KLHDC4: variants seen among roughly 807,000 people sequenced by gnomAD.
KLHDC4 encodes the protein kelch domain containing 4.
KLHDC4 carries 90 observed loss-of-function variants against 62.4 expected under a neutral mutation model. That is an observed-to-expected ratio of 1.44 (90% CI 1.22 to 1.72). KLHDC4 has a LOEUF of 1.72. KLHDC4 is among the 40% of genes most tolerant of loss of function. The pLI, the probability that KLHDC4 is intolerant of heterozygous loss-of-function variation, is 0.00. For missense variants in KLHDC4, 1,025 were observed against 699.7 expected, an observed-to-expected ratio of 1.47 and a Z score of -5.25; for synonymous variants, 386 against 284.4, an observed-to-expected ratio of 1.36 and a Z score of -3.59.
chr16:87,705,237 C>A (rs1390843955), downstream of KLHDC4, among the ~76,000 whole-genome samples: 1 of 152,380 alleles, frequency 6.6e-6, no homozygotes, highest in East Asian at 1.9e-4. Context: ...CGGCCGCTCA[C>A]GCCCTACGGT....
In KLHDC4 at chr16:87,735,041, C is replaced by G. The variant is rs184170931; in HGVS notation, c.507-4397G>C. On this transcript the variant is annotated intron_variant, in intron 5 of 11. Coordinates refer to ENST00000270583, the MANE Select transcript of KLHDC4 (RefSeq NM_017566.4). ...ACGAATTGCCCGACGCCCCCTCCCC[C>G]CCAGACGAATTTCCTGATGGATTAC... is the stretch of plus-strand genomic sequence containing the variant. Among the ~76,000 whole-genome samples the G allele has an allele frequency of 4.0e-4, 56 of 138,554 alleles. 1 individual carries two copies. Among genetic ancestry groups the G allele is most frequent in the East Asian group, 2.0e-3 (9 of 4,526 alleles). 90.9% of individuals were successfully genotyped at this position (138,554 alleles called of 152,430 possible). A position where few individuals can be genotyped will look rare whatever the true frequency, so the allele number is the denominator to read the frequency against.
chr16:87,758,089 G>A (rs756130791), intron 2 of KLHDC4, among the ~76,000 whole-genome samples: 3 of 152,198 alleles, frequency 2.0e-5, no homozygotes, highest in Admixed American at 2.0e-4. Flanking sequence ...GGTCAAGTGA[G>A]TTTGGGAAAT....
chr16:87,720,879 G>C (rs1046375929), intron 7 of KLHDC4, among the ~76,000 whole-genome samples: 1 of 152,142 alleles, frequency 6.6e-6, no homozygotes, highest in South Asian at 2.1e-4. Context: ...GAGCCAGCCC[G>C]GGGTCCCCAC....
chr16:87,706,714 G>A (rs932131664), downstream of KLHDC4, among the ~76,000 whole-genome samples: 6 of 152,322 alleles, frequency 3.9e-5, no homozygotes, highest in Middle Eastern at 3.4e-3. Flanking sequence ...CTGAACACCC[G>A]GCTGCACCAG....
chr16:87,701,354 A>C, exon 1 of KLHDC4: 1 of 315,060 alleles, frequency 3.2e-6, no homozygotes, highest in Non-Finnish European at 6.3e-6. Context: ...CATACTGTGG[A>C]GAGAAGCTGA....
At chr16:87,708,541 G>T in intron 10 of KLHDC4, 75 bp from the exon 11 acceptor site, 2 of 1,085,720 alleles carry the variant, frequency 1.8e-6, no homozygotes, top group Non-Finnish European at 2.6e-6. Context: ...GACGGTGGTG[G>T]CTACGTCCTG....
rs865998957 is a variant in KLHDC4 at position 87,750,713 on chromosome 16, A to G, written c.370-1904T>C. ...GAGTCGGTGTTCCGCCCGCCCGCACATAGAAACGGCCACAGTGCCGCCCCT... is the reference window on the plus strand; with the variant it reads ...GAGTCGGTGTTCCGCCCGCCCGCACGTAGAAACGGCCACAGTGCCGCCCCT... On this transcript the variant is annotated intron_variant, in intron 4 of 11. Coordinates refer to ENST00000270583, the MANE Select transcript of KLHDC4 (RefSeq NM_017566.4). 1.6e-4 allele frequency among the ~76,000 whole-genome samples: 25 copies of G among 152,318 alleles called. 2 individuals carry two copies. Among genetic ancestry groups the G allele is most frequent in the African/African-American group, 6.0e-4 (25 of 41,574 alleles).
intron 7 of KLHDC4, among the ~76,000 whole-genome samples, chr16:87,714,812 A>G (rs1402184682): frequency 6.6e-6 from 1 of 152,100 alleles, no homozygotes; most frequent in Non-Finnish European, 1.5e-5. Flanking sequence ...CACACAGTAC[A>G]CTAGAGTTCC....
chr16:87,749,835 C>G (rs1024928237), intron 4 of KLHDC4, among the ~76,000 whole-genome samples: 2 of 152,186 alleles, frequency 1.3e-5, no homozygotes, highest in African/African-American at 4.8e-5. Flanking sequence ...CTCGGCCTCC[C>G]AAAGCACACT....
chr16:87,723,377 C>A (rs1013648619), intron 7 of KLHDC4, among the ~76,000 whole-genome samples: 1 of 152,242 alleles, frequency 6.6e-6, no homozygotes, highest in Non-Finnish European at 1.5e-5. Context: ...GGCGGGTGCA[C>A]GTGGCTGCAG....
Position 87,731,046 on chromosome 16 carries a change from CTTTTTTTTTTTTTTTTT to C in KLHDC4, c.507-419_507-403del, listed in dbSNP as rs774096264. ...TTGTATCCAGAATACATACAGAATT[CTTTTTTTTTTTTTTTTT>C]TTTTTTTTTTTTTTTTTTGAGATGG... On this transcript the variant is annotated intron_variant, in intron 5 of 11. Transcript: ENST00000270583. 9.2e-3 allele frequency: 666 copies of C among 72,086 alleles called. 3 individuals carry two copies. The highest frequency in any genetic ancestry group is 0.025 in the Middle Eastern group (2 of 80). The allele number at this position is 72,086 out of a possible 1,614,324, so 4.5% of individuals were successfully genotyped here.
intron 7 of KLHDC4, among the ~76,000 whole-genome samples, chr16:87,715,350 C>G (rs1020829936): frequency 2.0e-5 from 3 of 152,200 alleles, no homozygotes; most frequent in African/African-American, 7.2e-5. Flanking sequence ...ACACCAATGT[C>G]CTCCCAGCAT....
chr16:87,747,830 G>A (rs1004870777), intron 5 of KLHDC4: 2 of 152,258 alleles, frequency 1.3e-5, no homozygotes, highest in Admixed American at 6.5e-5. Context: ...AACCAAGCCC[G>A]GGCTCCAGGG....
At chr16:87,705,088 G>A (rs116070498), downstream of KLHDC4, among the ~76,000 whole-genome samples, 12,101 of 150,796 alleles carry the variant, frequency 0.08, 661 homozygotes, top group Admixed American at 0.18. Context: ...TGGGAGGGCC[G>A]CAGCCGAGGG....
chr16:87,765,442 C>A lies in KLHDC4; in HGVS notation c.99+350G>T. 3 of 497,238 alleles carry A rather than the reference C, an allele frequency of 6.0e-6. No individual in the cohort carries two copies. The East Asian group carries it at 1.7e-4, about 28-fold the overall frequency. 30.8% of individuals were successfully genotyped at this position (497,238 alleles called of 1,614,324 possible). Reference sequence around the variant, plus strand: ...GGCTCAACCTCAGGTCTTCCTGTGCCAAACCCCTCCCTCTTCTCACCACCC... The same window carrying A: ...GGCTCAACCTCAGGTCTTCCTGTGCAAAACCCCTCCCTCTTCTCACCACCC... On this transcript the variant is annotated intron_variant, in intron 1 of 11. Transcript: ENST00000270583.
intron 5 of KLHDC4, among the ~76,000 whole-genome samples, chr16:87,732,844 T>G (rs890844700): frequency 6.8e-6 from 1 of 147,544 alleles, no homozygotes; most frequent in Non-Finnish European, 1.5e-5. Flanking sequence ...GCAAATCCTA[T>G]CCCAGCTTCT....
At chr16:87,744,281 G>A (rs185607309) in intron 5 of KLHDC4, among the ~76,000 whole-genome samples, 289 of 152,274 alleles carry the variant, frequency 1.9e-3, no homozygotes, top group South Asian at 2.7e-3. Flanking sequence ...CGGGCATGGT[G>A]GCGGGCATCT....
At position 87,748,816 on chromosome 16, in the gene KLHDC4, A is replaced by C. The variant is rs960352030; in HGVS notation, c.370-7T>G. ...CTTGAGGCACTACCACCGCCTGTGA[A>C]AAGAAAGGTGACAGGTCAGGGCACA... On this transcript the variant is annotated splice_polypyrimidine_tract_variant and splice_region_variant and intron_variant, in intron 4 of 11. Transcript: ENST00000270583. 2 of 1,611,742 alleles carry C rather than the reference A, an allele frequency of 1.2e-6. No homozygotes were observed. Among genetic ancestry groups the C allele is most frequent in the African/African-American group, 2.7e-5 (2 of 74,054 alleles).
intron 3 of KLHDC4, 164 bp from the exon 4 acceptor site, chr16:87,755,456 G>T: frequency 6.1e-6 from 3 of 491,466 alleles, no homozygotes; most frequent in South Asian, 2.1e-5. Flanking sequence ...GGCCATTGGG[G>T]ATGACGACAC....
Sources: gnomAD v4.1 joint callset for allele counts (sites outside exome capture counted in the v4.1 genomes callset) on GRCh38, gnomAD v4.1.1 for gene constraint, MANE v1.5 for transcripts, NCBI Gene and HGNC (gene_info 2026-07-23, HGNC 2026-07-21) for gene names.